PTPRN2: variants seen among roughly 807,000 people sequenced by gnomAD.
PTPRN2 encodes protein tyrosine phosphatase receptor type N2.
PTPRN2 carries 74 observed loss-of-function variants against 118.8 expected under a neutral mutation model. The ratio of observed to expected loss-of-function variants is 0.62; its 90% CI spans 0.52 to 0.76. The LOEUF (loss-of-function observed/expected upper bound fraction) is 0.76. Ranked by LOEUF, PTPRN2 falls within the 30% of genes least tolerant of loss-of-function variation. PTPRN2 has a pLI of 0.00. For missense variants in PTPRN2, 1,481 were observed against 1,394.4 expected (o/e 1.06, Z -0.99); for synonymous variants, 641 against 608.0 (o/e 1.05, Z -0.80).
chr7:158,453,548 C>T (rs1018916001), intron 2 of PTPRN2, among the ~76,000 whole-genome samples: 1 of 152,284 alleles, frequency 6.6e-6, no homozygotes, highest in Non-Finnish European at 1.5e-5. Flanking sequence ...TGGTGTGGAA[C>T]CATATGGAAA....
chr7:157,659,512 A>G (rs1795790417), intron 13 of PTPRN2, among the ~76,000 whole-genome samples: 1 of 151,074 alleles, frequency 6.6e-6, no homozygotes, highest in East Asian at 2.0e-4. Flanking sequence ...GCAGAGACGC[A>G]CAGGGGAAGG....
At chr7:158,024,030 A>G (rs1807094026) in intron 11 of PTPRN2, among the ~76,000 whole-genome samples, 1 of 152,094 alleles carries the variant, frequency 6.6e-6, no homozygotes, top group Non-Finnish European at 1.5e-5. Flanking sequence ...GCTGCTAACC[A>G]CTGGTATCTA....
Position 158,556,225 on chromosome 7 carries a change from T to TTAGA in PTPRN2, c.112+31329_112+31332dup, listed in dbSNP as rs370975547. ...TAGACGATTGACAGGTAAAGATAGA[T>TTAGA]TAGATAGATAGATAGAGATGATTGA... On this transcript the variant is annotated intron_variant, in intron 1 of 22. Coordinates refer to ENST00000389418, the MANE Select transcript of PTPRN2 (RefSeq NM_002847.5). Among the ~76,000 whole-genome samples the TTAGA allele has an allele frequency of 8.2e-3, 1,251 of 152,104 alleles. 18 individuals carry two copies. The highest frequency in any genetic ancestry group is 0.028 in the African/African-American group (1,158 of 41,482).
chr7:157,885,635 C>G (rs1796409616), intron 12 of PTPRN2, among the ~76,000 whole-genome samples: 1 of 152,228 alleles, frequency 6.6e-6, no homozygotes, highest in South Asian at 2.1e-4. Context: ...GGGTTTCCCA[C>G]CTGTATCTCA....
intron 3 of PTPRN2, among the ~76,000 whole-genome samples, chr7:158,288,892 G>C (rs1799931535): frequency 6.6e-6 from 1 of 152,100 alleles, no homozygotes; most frequent in Admixed American, 6.5e-5. Flanking sequence ...CTTTTGGTTG[G>C]CTAGGAAGGT....
rs1356593827 is a variant in PTPRN2 at position 158,100,279 on chromosome 7, G to GCA, written c.1643+10549_1643+10550insTG. On this transcript the variant is annotated intron_variant, in intron 10 of 22. Coordinates refer to ENST00000389418, the MANE Select transcript of PTPRN2 (RefSeq NM_002847.5). ...TGTGTGTGTGTGTGTGTGTGTGTGT[G>GCA]CCACGATTTCTTTATCTACTCATTG... is the stretch of plus-strand genomic sequence containing the variant. Among the ~76,000 whole-genome samples the GCA allele has an allele frequency of 5.7e-5, 8 of 139,500 alleles. No homozygotes were observed. In the East Asian group the frequency reaches 1.1e-3, roughly 19 times the overall value. 91.5% of individuals were successfully genotyped at this position (139,500 alleles called of 152,430 possible). A position where few individuals can be genotyped will look rare whatever the true frequency, so the allele number is the denominator to read the frequency against.
intron 2 of PTPRN2, among the ~76,000 whole-genome samples, chr7:158,440,553 G>A (rs1816920407): frequency 6.6e-6 from 1 of 150,734 alleles, no homozygotes; most frequent in Non-Finnish European, 1.5e-5. Context: ...TGGTGGCAGT[G>A]GCGGCGGTGG....
chr7:157,717,313 C>T (rs1798973192), intron 12 of PTPRN2, among the ~76,000 whole-genome samples: 1 of 152,260 alleles, frequency 6.6e-6, no homozygotes, highest in Admixed American at 6.5e-5. Flanking sequence ...AACAACTGCA[C>T]ATCTGGGGCA....
intron 6 of PTPRN2, among the ~76,000 whole-genome samples, chr7:158,166,136 G>C (rs919223901): frequency 1.3e-5 from 2 of 150,496 alleles, no homozygotes; most frequent in Admixed American, 1.3e-4. Context: ...CATGTTGCCC[G>C]CCCCATCCAT....
intron 2 of PTPRN2, among the ~76,000 whole-genome samples, chr7:158,443,345 C>G (rs1817493552): frequency 6.6e-6 from 1 of 152,236 alleles, no homozygotes; most frequent in South Asian, 2.1e-4. Flanking sequence ...GCCGGAAATC[C>G]AAGGGTAGGT....
At chr7:158,530,798 T>C (rs1172969064) in intron 1 of PTPRN2, among the ~76,000 whole-genome samples, 1 of 152,106 alleles carries the variant, frequency 6.6e-6, no homozygotes, top group Non-Finnish European at 1.5e-5. Context: ...CAGAACCCAC[T>C]CCTTCCTGCT....
At chr7:157,767,752 T>C (rs1038702045) in intron 12 of PTPRN2, among the ~76,000 whole-genome samples, 7 of 151,930 alleles carry the variant, frequency 4.6e-5, no homozygotes, top group African/African-American at 1.7e-4. Context: ...GTGGAGGCGG[T>C]GGGAACCAGT....
chr7:157,558,166 A>T (rs191279298), intron 21 of PTPRN2, among the ~76,000 whole-genome samples: 30 of 151,874 alleles, frequency 2.0e-4, no homozygotes, highest in African/African-American at 7.3e-4. Context: ...ACACGTGCAC[A>T]TTGGTGCGAC....
Position 157,713,900 on chromosome 7 carries a change from C to T in PTPRN2, c.1789-30963G>A, listed in dbSNP as rs1050881647. On this transcript the variant is annotated intron_variant, in intron 12 of 22. Coordinates refer to ENST00000389418, the MANE Select transcript of PTPRN2 (RefSeq NM_002847.5). ...CACACACCTGCTGCTCTGCAGAGCA[C>T]GCCTCGCTCCCCTTCACGAAGGAGC... Among the ~76,000 whole-genome samples the T allele has an allele frequency of 8.5e-5, 13 of 152,290 alleles. No individual in the cohort carries two copies. The South Asian group carries it at 2.3e-3, about 27-fold the overall frequency.
At position 157,591,706 on chromosome 7, in the gene PTPRN2, A is replaced by T. The variant is rs1800994368; in HGVS notation, c.2496+3532T>A. Among the ~76,000 whole-genome samples the T allele has an allele frequency of 6.6e-6, 1 of 152,220 alleles. No homozygotes were observed. The highest frequency in any genetic ancestry group is 1.5e-5 in the Non-Finnish European group (1 of 68,038). ...TTCAATGAAGAACAACGCCTGAGAG[A>T]TGCTGACATTCTAAAACACACGGTT... On this transcript the variant is annotated intron_variant, in intron 17 of 22. Transcript: ENST00000389418. This position sits in a 1 kb window ranked among gnomAD's most constrained non-coding sequence, Gnocchi z 4.4.
chr7:158,023,473 A>G (rs1227583782), intron 11 of PTPRN2, among the ~76,000 whole-genome samples: 3 of 152,066 alleles, frequency 2.0e-5, no homozygotes, highest in African/African-American at 4.8e-5. Flanking sequence ...TCTCTAATCT[A>G]TATTTTGAAA....
chr7:157,811,901 GT>G (rs1806065798), intron 12 of PTPRN2, among the ~76,000 whole-genome samples: 1 of 152,134 alleles, frequency 6.6e-6, no homozygotes, highest in African/African-American at 2.4e-5. Flanking sequence ...AAGGCCATCT[GT>G]ATCCCCAATG....
chr7:158,008,162 CTG>C (rs895275995), intron 11 of PTPRN2, among the ~76,000 whole-genome samples: 1 of 147,860 alleles, frequency 6.8e-6, no homozygotes, highest in African/African-American at 2.5e-5. Flanking sequence ...TGTGGGTGTG[CTG>C]TGTGTGGGGT....
chr7:158,581,594 C>T (rs1380854501), intron 1 of PTPRN2, among the ~76,000 whole-genome samples: 3 of 152,284 alleles, frequency 2.0e-5, no homozygotes, highest in African/African-American at 7.2e-5. Flanking sequence ...TAGTTCATCC[C>T]CTGTCACCTG....
Sources: allele counts gnomAD v4.1 joint callset (sites outside exome capture counted in the v4.1 genomes callset), GRCh38; gene constraint gnomAD v4.1.1; non-coding constraint Gnocchi (gnomAD v3.1); transcripts MANE v1.5; gene names NCBI Gene and HGNC (gene_info 2026-07-23, HGNC 2026-07-21).